CEP43: variants seen among roughly 807,000 people sequenced by gnomAD.
CEP43 encodes the protein centrosomal protein 43, also known as FGFR1 oncogene partner.
A neutral mutation model predicts 52.6 loss-of-function variants in CEP43; 36 were observed. That is an observed-to-expected ratio of 0.68 (90% CI 0.52 to 0.90). CEP43 has a LOEUF of 0.90. CEP43 is among the 40% of genes least tolerant of loss of function. The pLI is 0.00. For synonymous variants in CEP43, 192 were observed against 172.4 expected, an observed-to-expected ratio of 1.11 and a Z score of -0.89; for missense variants, 506 against 472.8, an observed-to-expected ratio of 1.07 and a Z score of -0.65.
At chr6:167,005,906 A>C (rs995665023) in intron 5 of CEP43, among the ~76,000 whole-genome samples, 2 of 151,890 alleles carry the variant, frequency 1.3e-5, no homozygotes, top group South Asian at 4.2e-4. Context: ...ACCTCATTGC[A>C]GTGGTGTTTA....
intron 4 of CEP43, 52 bp from the exon 5 acceptor site, chr6:167,004,212 A>C: frequency 6.4e-7 from 1 of 1,551,254 alleles, no homozygotes; most frequent in Non-Finnish European, 8.7e-7. Context: ...TTACTCCTTG[A>C]GAATAACTTC....
At chr6:167,019,139 C>T (rs1178935527) in intron 7 of CEP43, among the ~76,000 whole-genome samples, 2 of 152,190 alleles carry the variant, frequency 1.3e-5, no homozygotes, top group Non-Finnish European at 2.9e-5. Flanking sequence ...TGTTTTTGCA[C>T]CTCATGTTTA....
chr6:167,038,691 T>C, intron 12 of CEP43, among the ~76,000 whole-genome samples: 1 of 152,236 alleles, frequency 6.6e-6, no homozygotes, highest in East Asian at 1.9e-4. Context: ...TTGTACTAAC[T>C]TAGTAGACAT....
chr6:167,041,276 A>G lies in CEP43; in HGVS notation c.*1298A>G. Reference sequence around the variant, plus strand: ...CCTTGGGCTCTAAAATGTAGAGGAAATGAAAATGTAAGGATTAAGGCTGTG... The same window carrying G: ...CCTTGGGCTCTAAAATGTAGAGGAAGTGAAAATGTAAGGATTAAGGCTGTG... On this transcript the variant is annotated 3_prime_UTR_variant, in exon 13 of 13. Transcript: ENST00000366847. The G allele has an allele frequency of 9.5e-7, 1 of 1,050,186 alleles. No individual in the cohort carries two copies. The highest frequency in any genetic ancestry group is 1.1e-6 in the Non-Finnish European group (1 of 869,758). 65.1% of individuals were successfully genotyped at this position (1,050,186 alleles called of 1,614,324 possible).
rs984066446 is a variant in CEP43 at position 167,040,323 on chromosome 6, T to G, written c.*345T>G. The G allele has an allele frequency of 1.3e-4, 189 of 1,426,258 alleles. No homozygotes were observed. Among genetic ancestry groups the G allele is most frequent in the Non-Finnish European group, 1.3e-4 (147 of 1,097,304 alleles). 88.4% of individuals were successfully genotyped at this position (1,426,258 alleles called of 1,614,324 possible). A position where few individuals can be genotyped will look rare whatever the true frequency, so the allele number is the denominator to read the frequency against. On this transcript the variant is annotated 3_prime_UTR_variant, in exon 13 of 13. Transcript: ENST00000366847. The stretch of plus-strand genomic sequence containing the variant: ...AAAGCCGTAGGATCGCGCAACCCTT[T>G]GTGTGTGTGGCTGCTGGTACGTGTG...
chr6:167,022,313 A>AAACC (rs1780255359), intron 7 of CEP43, 96 bp from the exon 8 acceptor site: 1 of 835,516 alleles, frequency 1.2e-6, no homozygotes, highest in Non-Finnish European at 1.9e-6. Context: ...GCACACACAC[A>AAACC]GGTTTGATTA....
Position 167,000,097 on chromosome 6 carries a change from A to G in CEP43, c.140A>G (p.Glu47Gly). The change falls in exon 2 of 13, where the codon GAG (glutamate) becomes GGG (glycine). Residue 47 changes from glutamate to glycine, a missense_variant. Physicochemically the swap from Glu to Gly is moderately conservative, Grantham distance 98. Coordinates refer to ENST00000366847, the MANE Select transcript of CEP43 (RefSeq NM_007045.4). ...GCAGCTGTGTTTTTAGCACTAGAGG[A>G]GCAAGAAAAAGTAGAGGTATGAAGT... ...LRAAVFLALEEQEKVENKTPL... is the reference protein window; with the variant it reads ...LRAAVFLALEGQEKVENKTPL... 1 of 1,612,606 alleles carries G rather than the reference A, an allele frequency of 6.2e-7. No homozygotes were observed. The highest frequency in any genetic ancestry group is 8.5e-7 in the Non-Finnish European group (1 of 1,179,020).
At position 167,042,429 on chromosome 6, in the gene CEP43, C is replaced by CT; in HGVS notation, c.*2455dup. The CT allele has an allele frequency of 1.1e-6, 1 of 930,060 alleles. No homozygotes were observed. Among genetic ancestry groups the CT allele is most frequent in the Non-Finnish European group, 1.3e-6 (1 of 776,802 alleles). 57.6% of individuals were successfully genotyped at this position (930,060 alleles called of 1,614,324 possible). On this transcript the variant is annotated 3_prime_UTR_variant, in exon 13 of 13. Coordinates refer to ENST00000366847, the MANE Select transcript of CEP43 (RefSeq NM_007045.4). Reference sequence around the variant, plus strand: ...TTCTCTTTGTTGATATTCGGTTGTGCTTTTATACTTTATGTTGGATAACAA... The same window carrying CT: ...TTCTCTTTGTTGATATTCGGTTGTGCTTTTTATACTTTATGTTGGATAACAA...
chr6:167,030,379 G>T (rs928387706), intron 10 of CEP43, among the ~76,000 whole-genome samples: 16 of 152,214 alleles, frequency 1.1e-4, no homozygotes, highest in Non-Finnish European at 2.2e-4. Context: ...AGCCACATAT[G>T]TAGTTTGTTT....
chr6:167,039,936 C>T lies in CEP43; in HGVS notation c.1158C>T (p.Ser386=), dbSNP rs559508251. Residue 386 remains serine (S), a synonymous_variant, in exon 13 of 13, where the codon TCC becomes TCT. Coordinates refer to ENST00000366847, the MANE Select transcript of CEP43 (RefSeq NM_007045.4). ...LDDLTQDLTV[S]QLSDVADYLE... ...ACCTCACACAAGATCTGACTGTATCCCAGCTCAGTGATGTTGCGGATTATC... is the reference window on the plus strand; with the variant it reads ...ACCTCACACAAGATCTGACTGTATCTCAGCTCAGTGATGTTGCGGATTATC... The T allele has an allele frequency of 3.7e-6, 6 of 1,613,664 alleles. No homozygotes were observed. The Admixed American group carries it at 6.7e-5, about 18-fold the overall frequency.
intron 1 of CEP43, 110 bp from the exon 2 acceptor site, chr6:166,999,950 C>T (rs1779693700): frequency 3.4e-6 from 3 of 876,652 alleles, no homozygotes; most frequent in South Asian, 2.9e-5. Flanking sequence ...GACCTTTGCA[C>T]CTGCCCTCCC....
chr6:167,042,959 A>T lies in CEP43; in HGVS notation c.*2981A>T, dbSNP rs1204604814. Reference sequence around the variant, plus strand: ...GCTGTAAACAGGCTTGAGCACTGACATGGGGCCTGGAGAATGTGGTTTCTG... The same window carrying T: ...GCTGTAAACAGGCTTGAGCACTGACTTGGGGCCTGGAGAATGTGGTTTCTG... On this transcript the variant is annotated 3_prime_UTR_variant, in exon 13 of 13. Transcript: ENST00000366847. The T allele has an allele frequency of 1.3e-5, 2 of 152,324 alleles. No individual in the cohort carries two copies. The highest frequency in any genetic ancestry group is 1.9e-4 in the East Asian group (1 of 5,206). 9.4% of individuals were successfully genotyped at this position (152,324 alleles called of 1,614,324 possible). A position where few individuals can be genotyped will look rare whatever the true frequency, so the allele number is the denominator to read the frequency against.
intron 6 of CEP43, among the ~76,000 whole-genome samples, chr6:167,012,558 C>T (rs1780008784): frequency 1.3e-5 from 2 of 152,066 alleles, no homozygotes; most frequent in Admixed American, 6.6e-5. Context: ...TTATCAGTAC[C>T]TATAGCATTT....
intron 5 of CEP43, among the ~76,000 whole-genome samples, chr6:167,008,626 C>T (rs1370148757): frequency 6.6e-6 from 1 of 152,060 alleles, no homozygotes; most frequent in Admixed American, 6.6e-5. Context: ...CACCACCACA[C>T]CCGGCTAATT....
intron 2 of CEP43, among the ~76,000 whole-genome samples, chr6:167,001,984 A>G (rs908165347): frequency 2.0e-5 from 3 of 152,140 alleles, no homozygotes; most frequent in Admixed American, 6.5e-5. Flanking sequence ...CAGCCTACCA[A>G]CTACCTTGAG....
At position 167,040,276 on chromosome 6, in the gene CEP43, G is replaced by C. The variant is rs1244513357; in HGVS notation, c.*298G>C. The C allele has an allele frequency of 2.0e-6, 3 of 1,478,120 alleles. No homozygotes were observed. The highest frequency in any genetic ancestry group is 2.7e-6 in the Non-Finnish European group (3 of 1,124,158). The allele number at this position is 1,478,120 out of a possible 1,614,324, so 91.6% of individuals were successfully genotyped here. A position where few individuals can be genotyped will look rare whatever the true frequency, so the allele number is the denominator to read the frequency against. On this transcript the variant is annotated 3_prime_UTR_variant, in exon 13 of 13. Transcript: ENST00000366847. ...GAACCCATGAAAACATCAGTGTTAA[G>C]AGCATGATGAAAGGTGTCAATAAAG...
chr6:167,031,368 C>G (rs1583289504), intron 10 of CEP43, among the ~76,000 whole-genome samples: 1 of 152,206 alleles, frequency 6.6e-6, no homozygotes, highest in Non-Finnish European at 1.5e-5. Flanking sequence ...CCCAATTGCA[C>G]TAGCAGTATT....
intron 12 of CEP43, among the ~76,000 whole-genome samples, chr6:167,035,574 T>TC (rs2128667973): frequency 6.6e-6 from 1 of 151,520 alleles, no homozygotes; most frequent in East Asian, 1.9e-4. Context: ...TTTTTTTGTT[T>TC]TTTTTTTTTT....
chr6:167,026,614 A>G lies in CEP43; in HGVS notation c.987A>G (p.Leu329=), dbSNP rs756729225. The G allele has an allele frequency of 8.2e-5, 127 of 1,558,068 alleles. No individual in the cohort carries two copies. Among genetic ancestry groups the G allele is most frequent in the Non-Finnish European group, 1.1e-4 (124 of 1,129,252 alleles). ...GTGATAAAATTGGATCACTTGGATTAGGTAATTAGATTTCTAGTTTTTGTG... is the reference window on the plus strand; with the variant it reads ...GTGATAAAATTGGATCACTTGGATTGGGTAATTAGATTTCTAGTTTTTGTG... The part of the protein sequence containing the change: ...LISDKIGSLG[L]GTGEDDDYVD... Residue 329 remains leucine (L), a splice_region_variant and synonymous_variant, in exon 10 of 13, where the codon TTA becomes TTG. Coordinates refer to ENST00000366847, the MANE Select transcript of CEP43 (RefSeq NM_007045.4).
Sources: gnomAD v4.1 joint callset for allele counts (sites outside exome capture counted in the v4.1 genomes callset) on GRCh38, gnomAD v4.1.1 for gene constraint, MANE v1.5 for transcripts, NCBI Gene and HGNC (gene_info 2026-07-23, HGNC 2026-07-21) for gene names.